The following CCDC171 variants were observed in gnomAD, a reference collection of about 807,000 sequenced individuals.
CCDC171 encodes the protein coiled-coil domain-containing protein 171.
Under a neutral mutation model 168.2 loss-of-function variants are expected in CCDC171, and 177 were observed. The observed-to-expected ratio is 1.05, with a 90% CI of 0.93 to 1.19. CCDC171 has a LOEUF of 1.19. Ranked by LOEUF, CCDC171 falls within the 50% of genes most tolerant of loss-of-function variation. CCDC171 has a pLI of 0.00. For missense variants in CCDC171, 1,991 were observed against 1,539.0 expected (o/e 1.29, Z -4.91); for synonymous variants, 687 against 540.8 (o/e 1.27, Z -3.75).
chr9:15,807,928 C>A (rs1314044984), intron 21 of CCDC171, among the ~76,000 whole-genome samples: 1 of 151,460 alleles, frequency 6.6e-6, no homozygotes, highest in East Asian at 1.9e-4. Flanking sequence ...CCTCTCATTT[C>A]TTTCTCTTAT....
chr9:15,628,966 G>A (rs1481412903), intron 7 of CCDC171, among the ~76,000 whole-genome samples: 3 of 152,184 alleles, frequency 2.0e-5, no homozygotes, highest in Admixed American at 1.3e-4. Flanking sequence ...ATGCAGCTGA[G>A]GGTCCTGTCT....
At chr9:15,750,583 C>G (rs997998076) in intron 18 of CCDC171, among the ~76,000 whole-genome samples, 21 of 151,620 alleles carry the variant, frequency 1.4e-4, no homozygotes, top group African/African-American at 4.1e-4. Flanking sequence ...TACTGGCAAA[C>G]CGAATCCAGC....
chr9:15,761,712 C>T (rs1005970844), intron 18 of CCDC171, among the ~76,000 whole-genome samples: 3 of 152,144 alleles, frequency 2.0e-5, no homozygotes, highest in Admixed American at 6.5e-5. Flanking sequence ...GAAACAAGCA[C>T]AATCTGACTG....
At chr9:15,824,349 T>G (rs1475178816) in intron 21 of CCDC171, among the ~76,000 whole-genome samples, 1 of 152,016 alleles carries the variant, frequency 6.6e-6, no homozygotes, top group Non-Finnish European at 1.5e-5. Flanking sequence ...TAATTTTATA[T>G]GTTAATATAT....
intron 6 of CCDC171, among the ~76,000 whole-genome samples, chr9:16,027,007 C>T (rs1157884976): frequency 6.6e-6 from 1 of 152,124 alleles, no homozygotes; most frequent in Non-Finnish European, 1.5e-5. Context: ...GCCTATGCCT[C>T]GGGCTTATGA....
At chr9:15,657,434 C>A (rs1235067247) in intron 8 of CCDC171, among the ~76,000 whole-genome samples, 2 of 152,120 alleles carry the variant, frequency 1.3e-5, no homozygotes, top group Admixed American at 6.6e-5. Flanking sequence ...CAGGTCTCAC[C>A]CACTGTCTGT....
At chr9:15,584,212 A>G (rs908471711) in intron 4 of CCDC171, among the ~76,000 whole-genome samples, 5 of 152,210 alleles carry the variant, frequency 3.3e-5, no homozygotes, top group Admixed American at 1.3e-4. Flanking sequence ...AGTTTTGCTC[A>G]GCTGTCTGGG....
At chr9:16,069,359 G>C in the CCDC171 span, among the ~76,000 whole-genome samples, 1 of 152,226 alleles carries the variant, frequency 6.6e-6, no homozygotes, top group South Asian at 2.1e-4. Flanking sequence ...AAACCAGACT[G>C]GGCCAGGTAG....
Position 15,744,303 on chromosome 9 carries a change from G to GA in CCDC171, c.2085dup (p.Leu696IlefsTer5), listed in dbSNP as rs769918868. On this transcript the variant is annotated frameshift_variant, in exon 17 of 26. Transcript: ENST00000380701. LOFTEE classifies it high-confidence loss of function. ...TCAAGAAATTGCTGAAAAAAACATG[G>GA]AAAAATTGAACCATATTGAGAAGTC... is the stretch of plus-strand genomic sequence containing the variant. 6.3e-7 allele frequency: 1 copy of GA among 1,584,748 alleles called. No individual in the cohort carries two copies. Among genetic ancestry groups the GA allele is most frequent in the East Asian group, 2.2e-5 (1 of 44,506 alleles).
At chr9:15,809,605 C>T (rs1374080095) in intron 21 of CCDC171, among the ~76,000 whole-genome samples, 6 of 151,872 alleles carry the variant, frequency 4.0e-5, no homozygotes, top group African/African-American at 9.7e-5. Context: ...TAAGGCGGCA[C>T]GTCTGGAGTT....
intron 21 of CCDC171, among the ~76,000 whole-genome samples, chr9:15,842,973 C>A (rs7039881): frequency 0.75 from 113,606 of 151,694 alleles, 44,214 homozygotes; most frequent in East Asian, 0.89. Flanking sequence ...TTCACATTTA[C>A]CATGTATTCT....
At chr9:15,667,789 CTGTT>C (rs2048837381) in intron 9 of CCDC171, among the ~76,000 whole-genome samples, 2 of 152,132 alleles carry the variant, frequency 1.3e-5, no homozygotes, top group Non-Finnish European at 2.9e-5. Context: ...AACTCTTAAA[CTGTT>C]TGTTTCTTTA....
chr9:15,858,786 C>G (rs939379976), intron 23 of CCDC171, among the ~76,000 whole-genome samples: 1 of 151,928 alleles, frequency 6.6e-6, no homozygotes, highest in African/African-American at 2.4e-5. Flanking sequence ...GAATACTCAT[C>G]TATTCTAAAG....
chr9:15,708,658 T>A (rs971158017), intron 11 of CCDC171, among the ~76,000 whole-genome samples: 3 of 151,692 alleles, frequency 2.0e-5, no homozygotes, highest in African/African-American at 7.3e-5. Context: ...CTTTGTATTA[T>A]CTCTAGGAAT....
intron 25 of CCDC171, among the ~76,000 whole-genome samples, chr9:15,952,288 A>G (rs1477304913): frequency 2.6e-5 from 4 of 152,170 alleles, no homozygotes. Flanking sequence ...GTAGCTTAGT[A>G]GTAAGTTTTG....
chr9:15,622,991 G>A (rs548687195), intron 6 of CCDC171, among the ~76,000 whole-genome samples: 5 of 152,224 alleles, frequency 3.3e-5, no homozygotes, highest in African/African-American at 1.2e-4. Context: ...TACCTTCAGA[G>A]GTCAGTTAAA....
chr9:15,663,025 A>AACAAC (rs1564163448), intron 8 of CCDC171, among the ~76,000 whole-genome samples: 1 of 147,998 alleles, frequency 6.8e-6, no homozygotes, highest in Non-Finnish European at 1.5e-5. Flanking sequence ...ACAACAACAA[A>AACAAC]TTGCCTGATT....
At chr9:15,590,833 C>CTTTCT (rs1554693022) in intron 4 of CCDC171, among the ~76,000 whole-genome samples, 28 of 88,714 alleles carry the variant, frequency 3.2e-4, no homozygotes, top group South Asian at 6.4e-4. Context: ...TTCTTTCTTT[C>CTTTCT]TTCTTCTTTC....
At position 15,574,243 on chromosome 9, in the gene CCDC171, C is replaced by T. The variant is rs540932814; in HGVS notation, c.177+2484C>T. 2.0e-5 allele frequency among the ~76,000 whole-genome samples: 3 copies of T among 152,048 alleles called. No homozygotes were observed. The South Asian group carries it at 6.2e-4, about 32-fold the overall frequency. On this transcript the variant is annotated intron_variant, in intron 3 of 25. Transcript: ENST00000380701. ...CACTGCAACCTCTGCCTCCCAGGTT[C>T]AAGCGTTCCTCCTGCTTCAGCCTCC...
Sources: gnomAD v4.1 joint callset for allele counts (sites outside exome capture counted in the v4.1 genomes callset) on GRCh38, gnomAD v4.1.1 for gene constraint, MANE v1.5 for transcripts, NCBI Gene and HGNC (gene_info 2026-07-23, HGNC 2026-07-21) for gene names.